WWOX: variants seen among roughly 807,000 people sequenced by gnomAD.
WWOX encodes WW domain-containing oxidoreductase.
Under a neutral mutation model 46.2 loss-of-function variants are expected in WWOX, and 69 were observed. The ratio of observed to expected loss-of-function variants is 1.49; its 90% CI spans 1.23 to 1.82. WWOX has a LOEUF of 1.82. Ranked by LOEUF, WWOX falls within the 40% of genes most tolerant of loss-of-function variation. WWOX has a pLI of 0.00. For missense variants in WWOX, 919 were observed against 542.6 expected (o/e 1.69, Z -6.89); for synonymous variants, 359 against 202.6 (o/e 1.77, Z -6.56).
At chr16:78,278,574 C>T (rs1335971097) in intron 5 of WWOX, 4 of 1,594,612 alleles carry the variant, frequency 2.5e-6, no homozygotes, top group South Asian at 1.1e-5. Context: ...CTTAATTTTA[C>T]ACAACTGTCT....
At chr16:78,940,246 C>A (rs971880124) in intron 8 of WWOX, among the ~76,000 whole-genome samples, 3 of 152,082 alleles carry the variant, frequency 2.0e-5, no homozygotes, top group Admixed American at 6.5e-5. Context: ...AAATAGAATA[C>A]GGAGTATATA....
At chr16:78,579,095 C>G (rs528490120) in intron 8 of WWOX, among the ~76,000 whole-genome samples, 28 of 152,166 alleles carry the variant, frequency 1.8e-4, no homozygotes, top group African/African-American at 6.5e-4. Context: ...CATGTTTGGT[C>G]TCTCGTCTTT....
chr16:78,613,521 C>A (rs2045948879), intron 8 of WWOX, among the ~76,000 whole-genome samples: 1 of 152,112 alleles, frequency 6.6e-6, no homozygotes. Flanking sequence ...ATGCTTTCTC[C>A]CTCTACAAAA....
intron 5 of WWOX, among the ~76,000 whole-genome samples, chr16:78,367,287 A>G (rs1254045904): frequency 2.0e-5 from 3 of 152,108 alleles, no homozygotes; most frequent in Non-Finnish European, 4.4e-5. Flanking sequence ...CCGAAAAGTT[A>G]TAATTTTAAT....
chr16:78,230,099 C>T (rs115572761), intron 5 of WWOX, among the ~76,000 whole-genome samples: 1,787 of 152,196 alleles, frequency 0.012, 35 homozygotes, highest in East Asian at 0.068. Flanking sequence ...AGGCTGGTCT[C>T]GATCTCCTGG....
At chr16:78,470,377 T>C (rs74911831) in intron 8 of WWOX, among the ~76,000 whole-genome samples, 2,130 of 152,302 alleles carry the variant, frequency 0.014, 49 homozygotes, top group African/African-American at 0.049. Flanking sequence ...CACTTTGGAT[T>C]CTCATTTACC....
At chr16:79,203,839 G>C (rs940145862) in intron 8 of WWOX, 41 of 152,030 alleles carry the variant, frequency 2.7e-4, no homozygotes, top group Admixed American at 1.8e-3. Context: ...GGCGAATACA[G>C]ATGCATACAT....
At chr16:78,703,838 T>A (rs577030338) in intron 8 of WWOX, among the ~76,000 whole-genome samples, 1 of 152,274 alleles carries the variant, frequency 6.6e-6, no homozygotes, top group Non-Finnish European at 1.5e-5. Flanking sequence ...GGCACAGAAC[T>A]GGGTATGACA....
In WWOX at chr16:79,003,965, G is replaced by A. The variant is rs532082756; in HGVS notation, c.1057-207643G>A. ...GCCTTTGCTCTTTGCCCTTCCCTTT[G>A]CCAAGAAAGTTCCCTGTACTCTGCA... is the stretch of plus-strand genomic sequence containing the variant. On this transcript the variant is annotated intron_variant, in intron 8 of 8. Coordinates refer to ENST00000566780, the MANE Select transcript of WWOX (RefSeq NM_016373.4). 2.0e-5 allele frequency among the ~76,000 whole-genome samples: 3 copies of A among 152,220 alleles called. 1 individual carries two copies. The highest frequency in any genetic ancestry group is 7.2e-5 in the African/African-American group (3 of 41,556).
intron 6 of WWOX, among the ~76,000 whole-genome samples, chr16:78,417,985 C>T (rs2151954276): frequency 6.6e-6 from 1 of 152,280 alleles, no homozygotes; most frequent in African/African-American, 2.4e-5. Flanking sequence ...ATAAGATTTG[C>T]ATGAATACTT....
rs149703768 is a variant in WWOX, at chr16:78,580,835, C to T, written c.1056+148083C>T. Among the ~76,000 whole-genome samples, 6 of 152,292 alleles carry T rather than the reference C, an allele frequency of 3.9e-5. No homozygotes were observed. In the East Asian group the frequency reaches 1.2e-3, roughly 29 times the overall value. ...CATTAGAATGAATTCTTCTCAACAC[C>T]TATGCCTCTTTCACCTCAGACATGC... On this transcript the variant is annotated intron_variant, in intron 8 of 8. Coordinates refer to ENST00000566780, the MANE Select transcript of WWOX (RefSeq NM_016373.4).
chr16:78,817,234 A>G (rs1165286563), intron 8 of WWOX, among the ~76,000 whole-genome samples: 4 of 137,188 alleles, frequency 2.9e-5, no homozygotes, highest in South Asian at 2.3e-4. Flanking sequence ...CACAAAGAAT[A>G]GGGAAGCTTA....
intron 8 of WWOX, among the ~76,000 whole-genome samples, chr16:79,148,038 C>G (rs2050211947): frequency 6.6e-6 from 1 of 152,092 alleles, no homozygotes; most frequent in Admixed American, 6.6e-5. Flanking sequence ...TTTTCATCAT[C>G]TTTACATGGA....
intron 6 of WWOX, among the ~76,000 whole-genome samples, chr16:78,398,274 A>G (rs758617410): frequency 4.6e-5 from 7 of 151,910 alleles, no homozygotes; most frequent in South Asian, 2.1e-4. Flanking sequence ...CCCTTCTCCC[A>G]TGTCACCTGT....
intron 8 of WWOX, among the ~76,000 whole-genome samples, chr16:78,664,328 G>T (rs1270953583): frequency 6.6e-6 from 1 of 152,172 alleles, no homozygotes; most frequent in East Asian, 1.9e-4. Flanking sequence ...TGGCCACCCA[G>T]GAGGCACCCA....
chr16:78,100,848 G>A (rs1292914314), intron 1 of WWOX, among the ~76,000 whole-genome samples: 3 of 152,126 alleles, frequency 2.0e-5, no homozygotes, highest in Non-Finnish European at 4.4e-5. Context: ...CCTAGGAAAT[G>A]TCCTAAATAC....
Position 79,108,856 on chromosome 16 carries a change from A to G in WWOX, c.1057-102752A>G, listed in dbSNP as rs188446465. On this transcript the variant is annotated intron_variant, in intron 8 of 8. Coordinates refer to ENST00000566780, the MANE Select transcript of WWOX (RefSeq NM_016373.4). ...GTCGAGACTGCAGTGAGCCATGATC[A>G]TGCCGCTGCACTCCAGCATACGTGA... 3.4e-4 allele frequency among the ~76,000 whole-genome samples: 51 copies of G among 152,174 alleles called. No individual in the cohort carries two copies. In the East Asian group the frequency reaches 9.5e-3, roughly 28 times the overall value.
intron 8 of WWOX, among the ~76,000 whole-genome samples, chr16:78,441,735 C>A: frequency 6.6e-6 from 1 of 152,024 alleles, no homozygotes; most frequent in East Asian, 1.9e-4. Flanking sequence ...ATGGGCTTGT[C>A]TTGAGAATTA....
chr16:79,093,644 C>T (rs896646272), intron 8 of WWOX, among the ~76,000 whole-genome samples: 7 of 152,200 alleles, frequency 4.6e-5, no homozygotes, highest in South Asian at 2.1e-4. Context: ...ACAAACATCA[C>T]GACATTACTT....
Sources: allele counts gnomAD v4.1 joint callset (sites outside exome capture counted in the v4.1 genomes callset), GRCh38; gene constraint gnomAD v4.1.1; transcripts MANE v1.5; gene names NCBI Gene and HGNC (gene_info 2026-07-23, HGNC 2026-07-21).